The following DDAH1 variants were observed in gnomAD, a reference collection of about 807,000 sequenced individuals.
The protein encoded by DDAH1 is dimethylarginine dimethylaminohydrolase 1.
DDAH1 carries 19 observed loss-of-function variants against 28.8 expected under a neutral mutation model. That is an observed-to-expected ratio of 0.66 (90% CI 0.46 to 0.97). The LOEUF is 0.97. DDAH1 is among the 50% of genes least tolerant of loss of function. The probability of loss-of-function intolerance (pLI) is 0.00; values close to 1 mark genes in which losing one functional copy is unlikely to be tolerated. For synonymous variants in DDAH1, 153 were observed against 154.4 expected (o/e 0.99, Z 0.07); for missense variants, 326 against 375.9 (o/e 0.87, Z 1.10).
chr1:85,470,262 A>G (rs553663027), intron 2 of DDAH1, among the ~76,000 whole-genome samples: 1 of 152,372 alleles, frequency 6.6e-6, no homozygotes, highest in South Asian at 2.1e-4. Context: ...TCATGGTGGA[A>G]GGCAAAAATG....
intron 1 of DDAH1, among the ~76,000 whole-genome samples, chr1:85,521,066 G>A (rs1157595832): frequency 6.6e-6 from 1 of 152,152 alleles, no homozygotes; most frequent in South Asian, 2.1e-4. Flanking sequence ...TTAATAGATC[G>A]ACACAGACAA....
intron 4 of DDAH1, among the ~76,000 whole-genome samples, chr1:85,328,300 CA>C (rs1647537895): frequency 6.6e-6 from 1 of 152,184 alleles, no homozygotes; most frequent in South Asian, 2.1e-4. Flanking sequence ...TTGTGTATAT[CA>C]AACCGAACAC....
chr1:85,498,527 C>G (rs185066318), intron 1 of DDAH1, among the ~76,000 whole-genome samples: 2 of 152,284 alleles, frequency 1.3e-5, no homozygotes, highest in Admixed American at 1.3e-4. Context: ...ATAGTAGATT[C>G]TGCTAAGCTA....
intron 1 of DDAH1, among the ~76,000 whole-genome samples, chr1:85,434,076 T>C (rs1272584067): frequency 1.3e-5 from 2 of 152,184 alleles, no homozygotes; most frequent in African/African-American, 2.4e-5. Context: ...ATTTTTCCTA[T>C]TGTGATTTCC....
At chr1:85,480,276 G>C (rs1427824102) in intron 2 of DDAH1, among the ~76,000 whole-genome samples, 2 of 152,148 alleles carry the variant, frequency 1.3e-5, no homozygotes, top group Non-Finnish European at 2.9e-5. Flanking sequence ...GTGCTCTGGA[G>C]TTCATTTTGT....
intron 4 of DDAH1, among the ~76,000 whole-genome samples, chr1:85,348,910 T>C (rs2100838602): frequency 6.6e-6 from 1 of 152,318 alleles, no homozygotes; most frequent in South Asian, 2.1e-4. Context: ...TTCTAGTTGG[T>C]CCACCCAGAA....
chr1:85,530,990 CAAAAAAAAAAAAAA>C (rs56149686), intron 1 of DDAH1, among the ~76,000 whole-genome samples: 1 of 43,624 alleles, frequency 2.3e-5, no homozygotes, highest in Non-Finnish European at 4.3e-5. Flanking sequence ...GACTCTGTCT[CAAAAAAAAAAAAAA>C]AAAAAAAAAA....
chr1:85,360,309 AT>A (rs1343318932), intron 1 of DDAH1, among the ~76,000 whole-genome samples: 1 of 152,230 alleles, frequency 6.6e-6, no homozygotes, highest in Non-Finnish European at 1.5e-5. Context: ...ACAATAAAAA[AT>A]ATTTCCATGG....
chr1:85,547,714 T>C (rs1387484523), intron 1 of DDAH1, among the ~76,000 whole-genome samples: 2 of 152,210 alleles, frequency 1.3e-5, no homozygotes, highest in African/African-American at 4.8e-5. Flanking sequence ...AATTGATTGA[T>C]AGAGAGGTTT....
At chr1:85,357,408 C>T (rs1046566409) in intron 2 of DDAH1, among the ~76,000 whole-genome samples, 7 of 152,152 alleles carry the variant, frequency 4.6e-5, no homozygotes, top group African/African-American at 9.7e-5. Flanking sequence ...CCACCCATAG[C>T]GACAGTATGT....
intron 1 of DDAH1, among the ~76,000 whole-genome samples, chr1:85,553,877 G>A (rs891536426): frequency 6.6e-6 from 1 of 152,204 alleles, no homozygotes. Flanking sequence ...CAGAGTTGGA[G>A]CTAGTCTGCC....
chr1:85,454,536 G>T (rs12717764), intron 1 of DDAH1, among the ~76,000 whole-genome samples: 1 of 152,056 alleles, frequency 6.6e-6, no homozygotes, highest in Non-Finnish European at 1.5e-5. Flanking sequence ...CAGTTGAAAG[G>T]GGATGCGGTC....
chr1:85,328,361 C>A (rs545519895), intron 4 of DDAH1, among the ~76,000 whole-genome samples: 1 of 152,218 alleles, frequency 6.6e-6, no homozygotes, highest in Middle Eastern at 3.2e-3. Context: ...AGTCCATAAA[C>A]CCAATGGGCA....
At chr1:85,357,259 A>G (rs551593760) in intron 2 of DDAH1, among the ~76,000 whole-genome samples, 5 of 152,256 alleles carry the variant, frequency 3.3e-5, no homozygotes, top group South Asian at 2.1e-4. Context: ...TTAGGGTTCA[A>G]TGGGCATGCA....
At chr1:85,418,314 G>A (rs1189938412) in intron 1 of DDAH1, among the ~76,000 whole-genome samples, 1 of 152,178 alleles carries the variant, frequency 6.6e-6, no homozygotes, top group Non-Finnish European at 1.5e-5. Context: ...AACATGAAAG[G>A]TTAATTTGTT....
intron 1 of DDAH1, among the ~76,000 whole-genome samples, chr1:85,571,787 CTTTTTTTT>C (rs58835610): frequency 7.6e-4 from 65 of 85,406 alleles, no homozygotes; most frequent in African/African-American, 2.8e-3. Flanking sequence ...TGTTTATAAG[CTTTTTTTT>C]TTTTTTTTTT....
chr1:85,504,685 A>C (rs898934246), intron 1 of DDAH1, among the ~76,000 whole-genome samples: 33 of 152,246 alleles, frequency 2.2e-4, no homozygotes, highest in Admixed American at 2.2e-3. Context: ...TAGATGAAAA[A>C]ATCACAGCTT....
intron 2 of DDAH1, among the ~76,000 whole-genome samples, chr1:85,487,781 T>C (rs1295854793): frequency 6.6e-6 from 1 of 152,182 alleles, no homozygotes; most frequent in Non-Finnish European, 1.5e-5. Context: ...TTAAAAAACA[T>C]ATATGCAAGC....
intron 1 of DDAH1, among the ~76,000 whole-genome samples, chr1:85,440,720 A>G (rs912159983): frequency 4.6e-5 from 7 of 152,234 alleles, no homozygotes; most frequent in African/African-American, 1.7e-4. Flanking sequence ...CTGTAATACA[A>G]CATAAATTAC....
Sources: allele counts gnomAD v4.1 joint callset (sites outside exome capture counted in the v4.1 genomes callset), GRCh38; gene constraint gnomAD v4.1.1; transcripts MANE v1.5; gene names NCBI Gene and HGNC (gene_info 2026-07-23, HGNC 2026-07-21).